The following MAT2A variants were observed in gnomAD, a reference collection of about 807,000 sequenced individuals.
MAT2A encodes S-adenosylmethionine synthase isoform type-2.
MAT2A carries 3 observed loss-of-function variants against 43.9 expected under a neutral mutation model. The ratio of observed to expected loss-of-function variants is 0.07; its 90% CI spans 0.03 to 0.18. The LOEUF (loss-of-function observed/expected upper bound fraction) is 0.18, where lower values mean the gene tolerates loss of function less well. Among genes scored for constraint, MAT2A ranks in the 10% least tolerant of loss-of-function variants. The pLI is 1.00. For synonymous variants in MAT2A, 200 were observed against 168.4 expected, an observed-to-expected ratio of 1.19 and a Z score of -1.45; for missense variants, 204 against 489.0, an observed-to-expected ratio of 0.42 and a Z score of 5.50.
At chr2:85,539,795 T>G in intron 1 of MAT2A, 1 of 157,348 alleles carries the variant, frequency 6.4e-6, no homozygotes, top group Non-Finnish European at 1.4e-5. Context: ...GCGCCCCGCA[T>G]TGCAGCGGCG....
chr2:85,542,015 C>T (rs773907579), intron 5 of MAT2A, 43 bp downstream of exon 5: 12 of 1,603,604 alleles, frequency 7.5e-6, no homozygotes, highest in Non-Finnish European at 1.0e-5. Context: ...TTTATTACAT[C>T]AGCACAGAAG....
At chr2:85,541,800 G>A in intron 4 of MAT2A, 29 bp from the exon 5 acceptor site, 2 of 1,613,826 alleles carry the variant, frequency 1.2e-6, no homozygotes, top group Non-Finnish European at 1.7e-6. Context: ...TCTGGAGCTT[G>A]ATCACATTGG....
At position 85,541,173 on chromosome 2, in the gene MAT2A, T is replaced by C. The variant is rs761673664; in HGVS notation, c.169+13T>C. On this transcript the variant is annotated intron_variant, in intron 2 of 8. Coordinates refer to ENST00000306434, the MANE Select transcript of MAT2A (RefSeq NM_005911.6). Reference sequence around the variant, plus strand: ...AAAGTAGCTTGTGGTAGGTTCAGAATGTGCTTATCAACTGGTGGAAAGATA... The same window carrying C: ...AAAGTAGCTTGTGGTAGGTTCAGAACGTGCTTATCAACTGGTGGAAAGATA... The C allele has an allele frequency of 6.8e-6, 11 of 1,613,482 alleles. No individual in the cohort carries two copies. In the Admixed American group the frequency reaches 1.8e-4, roughly 27 times the overall value.
At position 85,542,298 on chromosome 2, in the gene MAT2A, G is replaced by C; in HGVS notation, c.693G>C (p.Val231=). 6.2e-7 allele frequency: 1 copy of C among 1,614,188 alleles called. No homozygotes were observed. Among genetic ancestry groups the C allele is most frequent in the Middle Eastern group, 1.7e-4 (1 of 6,060 alleles). The change falls in exon 6 of 9, where the codon GTG becomes GTC. Residue 231 remains valine (V), a synonymous_variant. Transcript: ENST00000306434. Reference sequence around the variant, plus strand: ...AGGAGAAAGTCATCAAAGCAGTTGTGCCTGCGAAATACCTTGATGAGGATA... The same window carrying C: ...AGGAGAAAGTCATCAAAGCAGTTGTCCCTGCGAAATACCTTGATGAGGATA... ...ALKEKVIKAV[V]PAKYLDEDTI...
chr2:85,543,534 A>G (rs1019793269), intron 8 of MAT2A, 136 bp from the exon 9 acceptor site: 6 of 620,278 alleles, frequency 9.7e-6, no homozygotes, highest in Admixed American at 3.1e-5. Context: ...GGGAAGTAAC[A>G]CTTTTGCCAC....
At chr2:85,540,333 G>A (rs910296758) in intron 1 of MAT2A, among the ~76,000 whole-genome samples, 3 of 152,182 alleles carry the variant, frequency 2.0e-5, no homozygotes, top group East Asian at 1.9e-4. Flanking sequence ...TTAGGGTCTG[G>A]TCAGTTTACT....
chr2:85,539,262 G>A lies in MAT2A; in HGVS notation c.-26G>A. The A allele has an allele frequency of 6.4e-7, 1 of 1,573,894 alleles. No homozygotes were observed. The highest frequency in any genetic ancestry group is 8.7e-7 in the Non-Finnish European group (1 of 1,151,722). On this transcript the variant is annotated 5_prime_UTR_variant, in exon 1 of 9. Coordinates refer to ENST00000306434, the MANE Select transcript of MAT2A (RefSeq NM_005911.6). ...CCGCCTCGCCGCTGCTCCTTCGTAA[G>A]GCCACTTCCGCACACCGACACCAAC...
At chr2:85,541,597 A>T in intron 3 of MAT2A, 36 bp from the exon 4 acceptor site, 1 of 1,497,344 alleles carries the variant, frequency 6.7e-7, no homozygotes, top group African/African-American at 1.4e-5. Context: ...AGGTATTTCT[A>T]GGACGTAAAC....
Position 85,541,942 on chromosome 2 carries a change from G to A in MAT2A, c.519G>A (p.Leu173=), listed in dbSNP as rs750391168. ...KLAELRRNGT[L]PWLRPDSKTQ... ...CAGAACTACGCCGTAATGGCACTTT[G>A]CCTTGGTTACGCCCTGATTCTAAAA... Residue 173 remains leucine, a synonymous_variant, in exon 5 of 9, where the codon TTG becomes TTA. Coordinates refer to ENST00000306434, the MANE Select transcript of MAT2A (RefSeq NM_005911.6). 6.2e-7 allele frequency: 1 copy of A among 1,614,232 alleles called. No homozygotes were observed. Among genetic ancestry groups the A allele is most frequent in the African/African-American group, 1.3e-5 (1 of 75,062 alleles).
intron 1 of MAT2A, among the ~76,000 whole-genome samples, chr2:85,540,691 C>T (rs532419151): frequency 2.0e-4 from 31 of 152,184 alleles, no homozygotes; most frequent in Admixed American, 1.9e-3. Flanking sequence ...TCAGAAAATG[C>T]TTTTCATTTA....
intron 1 of MAT2A, chr2:85,539,580 A>C: frequency 6.6e-6 from 3 of 455,382 alleles, no homozygotes; most frequent in Non-Finnish European, 3.9e-6. Context: ...TCCCCTCTCC[A>C]CCCTTCCCTT....
chr2:85,539,535 A>C, intron 1 of MAT2A, 157 bp downstream of exon 1: 2 of 519,344 alleles, frequency 3.9e-6, no homozygotes, highest in Middle Eastern at 5.3e-4. Context: ...TGGCGCCGCC[A>C]GGGCCTGGCG....
At chr2:85,542,003 C>T (rs746222388) in intron 5 of MAT2A, 31 bp downstream of exon 5, 2 of 1,605,604 alleles carry the variant, frequency 1.2e-6, no homozygotes, top group Non-Finnish European at 1.7e-6. Flanking sequence ...TTGGTTGTCT[C>T]ATTTATTACA....
Position 85,542,939 on chromosome 2 carries a change from C to T in MAT2A, c.990C>T (p.Ile330=), listed in dbSNP as rs1387934407. The T allele has an allele frequency of 1.9e-6, 3 of 1,613,566 alleles. No homozygotes were observed. The highest frequency in any genetic ancestry group is 2.5e-6 in the Non-Finnish European group (3 of 1,179,866). Residue 330 remains isoleucine (I), a synonymous_variant, in exon 8 of 9, where the codon ATC becomes ATT. Transcript: ENST00000306434. ...TTGGAGTTTCTCATCCATTATCTATCTCCATTTTCCATTATGGTACCTCTC... is the reference window on the plus strand; with the variant it reads ...TTGGAGTTTCTCATCCATTATCTATTTCCATTTTCCATTATGGTACCTCTC... ...YAIGVSHPLS[I]SIFHYGTSQK... is the part of the protein sequence containing the mutation.
At chr2:85,543,546 A>T in intron 8 of MAT2A, 124 bp from the exon 9 acceptor site, 3 of 645,788 alleles carry the variant, frequency 4.6e-6, no homozygotes, top group Non-Finnish European at 8.1e-6. Flanking sequence ...TTTTGCCACA[A>T]ATTTTTTTCC....
chr2:85,542,428 G>A, intron 6 of MAT2A, 55 bp downstream of exon 6: 2 of 1,577,986 alleles, frequency 1.3e-6, no homozygotes, highest in Non-Finnish European at 1.7e-6. Flanking sequence ...TAAAATTTTG[G>A]CTACTACATT....
At chr2:85,542,007 T>A in intron 5 of MAT2A, 35 bp downstream of exon 5, 1 of 1,605,774 alleles carries the variant, frequency 6.2e-7, no homozygotes, top group Middle Eastern at 1.7e-4. Context: ...TTGTCTCATT[T>A]ATTACATCAG....
At chr2:85,541,558 T>C in intron 3 of MAT2A, 75 bp from the exon 4 acceptor site, 1 of 1,358,746 alleles carries the variant, frequency 7.4e-7, no homozygotes, top group Non-Finnish European at 1.0e-6. Context: ...CAGCAGTGTT[T>C]AGAATTCCAG....
rs941312133 is a variant in MAT2A, at chr2:85,539,209, C to T, written c.-79C>T. On this transcript the variant is annotated 5_prime_UTR_variant, in exon 1 of 9. Coordinates refer to ENST00000306434, the MANE Select transcript of MAT2A (RefSeq NM_005911.6). ...CCGCCTGCTACGAGTAGAACGCTGTCCGCAGCTTGCGCATTTCGCAGCCGC... is the reference window on the plus strand; with the variant it reads ...CCGCCTGCTACGAGTAGAACGCTGTTCGCAGCTTGCGCATTTCGCAGCCGC... The T allele has an allele frequency of 1.5e-5, 15 of 1,025,466 alleles. No individual in the cohort carries two copies. In the Admixed American group the frequency reaches 2.3e-4, roughly 16 times the overall value. 63.5% of individuals were successfully genotyped at this position (1,025,466 alleles called of 1,614,324 possible). A position where few individuals can be genotyped will look rare whatever the true frequency, so the allele number is the denominator to read the frequency against.
Sources: gnomAD v4.1 joint callset for allele counts (sites outside exome capture counted in the v4.1 genomes callset) on GRCh38, gnomAD v4.1.1 for gene constraint, MANE v1.5 for transcripts, NCBI Gene and HGNC (gene_info 2026-07-23, HGNC 2026-07-21) for gene names.